Variants in RBMS3 observed in about 807,000 individuals in gnomAD.
The protein encoded by RBMS3 is RNA binding motif single stranded interacting protein 3.
In RBMS3, 27 loss-of-function variants were observed where a neutral mutation model predicts 66.8. That is an observed-to-expected ratio of 0.40 (90% CI 0.30 to 0.56). The LOEUF is 0.56. Ranked by LOEUF, RBMS3 falls within the 20% of genes least tolerant of loss-of-function variation. RBMS3 has a pLI of 0.40. For missense variants in RBMS3, 513 were observed against 549.5 expected (o/e 0.93, Z 0.66); for synonymous variants, 188 against 183.0 (o/e 1.03, Z -0.22).
intron 4 of RBMS3, among the ~76,000 whole-genome samples, chr3:29,603,963 T>C (rs1029043845): frequency 6.6e-6 from 1 of 151,944 alleles, no homozygotes; most frequent in African/African-American, 2.4e-5. Flanking sequence ...TATAAACATT[T>C]ATGGTGGTCA....
chr3:29,448,741 G>A, intron 2 of RBMS3, among the ~76,000 whole-genome samples: 1 of 152,120 alleles, frequency 6.6e-6, no homozygotes, highest in Non-Finnish European at 1.5e-5. Context: ...TAAGTAGCAG[G>A]CAAACTAGGC....
chr3:29,426,221 A>G (rs185592932), intron 1 of RBMS3, among the ~76,000 whole-genome samples: 25 of 152,372 alleles, frequency 1.6e-4, no homozygotes, highest in African/African-American at 5.5e-4. Context: ...TAGTCAAATT[A>G]AAAGAAGAAT....
At chr3:29,799,317 A>G (rs2057316525) in intron 6 of RBMS3, among the ~76,000 whole-genome samples, 1 of 152,200 alleles carries the variant, frequency 6.6e-6, no homozygotes, top group African/African-American at 2.4e-5. Context: ...GTGACAGGAT[A>G]TGCTTGAGAT....
intron 3 of RBMS3, among the ~76,000 whole-genome samples, chr3:29,504,683 T>C (rs191621515): frequency 1.2e-4 from 19 of 152,238 alleles, no homozygotes; most frequent in Admixed American, 1.2e-3. Flanking sequence ...TTTTCTCTAA[T>C]GGCTATACTA....
intron 4 of RBMS3, among the ~76,000 whole-genome samples, chr3:29,689,947 A>AAAAAAAAAAAAAT (rs2051904753): frequency 6.8e-6 from 1 of 146,018 alleles, no homozygotes; most frequent in Non-Finnish European, 1.5e-5. Flanking sequence ...AAAAAAAAAA[A>AAAAAAAAAAAAAT]AAAAAAAAGT....
chr3:29,643,439 G>T (rs1243550791), intron 4 of RBMS3, among the ~76,000 whole-genome samples: 3 of 151,820 alleles, frequency 2.0e-5, no homozygotes, highest in Non-Finnish European at 2.9e-5. Flanking sequence ...TTTTCATTTT[G>T]TTCTCATTCC....
rs17024068 is a variant in RBMS3, at chr3:29,647,676, C to T, written c.399+60471C>T. On this transcript the variant is annotated intron_variant, in intron 4 of 14. Transcript: ENST00000383767. The stretch of plus-strand genomic sequence containing the variant: ...CTGGGTATTCAGAGCAGGAGGTAAC[C>T]ATCTTAAATACATGTGTAGGCAAAC... Among the ~76,000 whole-genome samples, 824 of 152,210 alleles carry T rather than the reference C, an allele frequency of 5.4e-3. 5 individuals carry two copies. The highest frequency in any genetic ancestry group is 0.018 in the African/African-American group (753 of 41,530).
At chr3:29,976,745 C>T (rs1697614868) in intron 12 of RBMS3, among the ~76,000 whole-genome samples, 1 of 151,652 alleles carries the variant, frequency 6.6e-6, no homozygotes, top group Admixed American at 6.6e-5. Flanking sequence ...TTAATCAAAG[C>T]AAGCATGTGA....
At chr3:29,419,562 T>C (rs998569984) in intron 1 of RBMS3, among the ~76,000 whole-genome samples, 1 of 152,174 alleles carries the variant, frequency 6.6e-6, no homozygotes, top group Non-Finnish European at 1.5e-5. Flanking sequence ...CCAGTAGTGT[T>C]AGGAAGTTGA....
At chr3:29,503,755 T>C (rs1576035514) in intron 3 of RBMS3, among the ~76,000 whole-genome samples, 1 of 152,162 alleles carries the variant, frequency 6.6e-6, no homozygotes, top group South Asian at 2.1e-4. Flanking sequence ...TATTTTTTCC[T>C]GCTTCTTTGA....
intron 1 of RBMS3, among the ~76,000 whole-genome samples, chr3:29,361,687 A>G (rs986214586): frequency 7.9e-5 from 12 of 152,164 alleles, no homozygotes; most frequent in African/African-American, 2.2e-4. Flanking sequence ...AGGTACACCA[A>G]TCAGATGTAG....
At chr3:29,618,628 G>A (rs2048754700) in intron 4 of RBMS3, among the ~76,000 whole-genome samples, 1 of 151,934 alleles carries the variant, frequency 6.6e-6, no homozygotes, top group Non-Finnish European at 1.5e-5. Context: ...AGCCTGCCTT[G>A]AAGTTCTTGT....
intron 4 of RBMS3, among the ~76,000 whole-genome samples, chr3:29,639,573 G>A (rs1231600905): frequency 6.8e-6 from 1 of 146,368 alleles, no homozygotes; most frequent in Non-Finnish European, 1.5e-5. Context: ...ATACACTATA[G>A]ATGATAGATA....
chr3:29,576,960 T>A (rs1404887700), intron 3 of RBMS3, among the ~76,000 whole-genome samples: 1 of 152,166 alleles, frequency 6.6e-6, no homozygotes, highest in East Asian at 1.9e-4. Context: ...AAGAGCCTGC[T>A]TTTTGCTCTA....
In RBMS3 at chr3:30,007,852, T is replaced by G. The variant is rs1699845905; in HGVS notation, c.*3990T>G. The G allele has an allele frequency of 6.6e-6, 1 of 152,074 alleles. No homozygotes were observed. The highest frequency in any genetic ancestry group is 6.6e-5 in the Admixed American group (1 of 15,248). The allele number at this position is 152,074 out of a possible 1,614,324, so 9.4% of individuals were successfully genotyped here. ...TACTTCCTCCTGTGACCTTAGCAGATCTGTCACATTTGAAAGCATATGACT... is the reference window on the plus strand; with the variant it reads ...TACTTCCTCCTGTGACCTTAGCAGAGCTGTCACATTTGAAAGCATATGACT... On this transcript the variant is annotated 3_prime_UTR_variant, in exon 15 of 15. Transcript: ENST00000383767.
chr3:29,586,392 A>G (rs2047521550), intron 3 of RBMS3, among the ~76,000 whole-genome samples: 1 of 152,090 alleles, frequency 6.6e-6, no homozygotes, highest in Admixed American at 6.6e-5. Context: ...AAACTCATAT[A>G]CCCTTTTCAG....
At chr3:29,687,307 A>G (rs957897338) in intron 4 of RBMS3, among the ~76,000 whole-genome samples, 1 of 152,240 alleles carries the variant, frequency 6.6e-6, no homozygotes, top group Non-Finnish European at 1.5e-5. Flanking sequence ...TATAGCTTAT[A>G]TCTCTGATGT....
chr3:29,563,340 A>G (rs887663966), intron 3 of RBMS3, among the ~76,000 whole-genome samples: 37 of 152,218 alleles, frequency 2.4e-4, no homozygotes, highest in Middle Eastern at 3.2e-3. Context: ...GGATATTTCA[A>G]GCTTTAATTC....
intron 3 of RBMS3, among the ~76,000 whole-genome samples, chr3:29,532,942 G>GT (rs997739490): frequency 6.6e-6 from 1 of 152,036 alleles, no homozygotes; most frequent in Non-Finnish European, 1.5e-5. Context: ...TATATAAGTA[G>GT]TATTACTTCG....
Sources: allele counts gnomAD v4.1 joint callset (sites outside exome capture counted in the v4.1 genomes callset), GRCh38; gene constraint gnomAD v4.1.1; transcripts MANE v1.5; gene names NCBI Gene and HGNC (gene_info 2026-07-23, HGNC 2026-07-21).